PPARGC1B: variants seen among roughly 807,000 people sequenced by gnomAD.
PPARGC1B encodes the protein peroxisome proliferator-activated receptor gamma coactivator 1-beta.
Under a neutral mutation model 101.6 loss-of-function variants are expected in PPARGC1B, and 34 were observed. That is an observed-to-expected ratio of 0.33 (90% CI 0.25 to 0.45). PPARGC1B has a LOEUF of 0.45. PPARGC1B is among the 20% of genes least tolerant of loss of function. The pLI, the probability that PPARGC1B is intolerant of heterozygous loss-of-function variation, is 1.00. For synonymous variants in PPARGC1B, 548 were observed against 539.3 expected (o/e 1.02, Z -0.22); for missense variants, 1,234 against 1,317.6 (o/e 0.94, Z 0.98).
chr5:149,818,811 C>T (rs932285250), intron 1 of PPARGC1B: 10 of 456,200 alleles, frequency 2.2e-5, no homozygotes, highest in South Asian at 3.1e-5. Flanking sequence ...GTTACTAGGC[C>T]GGGCTATAAT....
chr5:149,759,839 G>T (rs1453667173), intron 1 of PPARGC1B, among the ~76,000 whole-genome samples: 2 of 152,200 alleles, frequency 1.3e-5, no homozygotes, highest in Non-Finnish European at 2.9e-5. Context: ...ACCCACCCTG[G>T]ATATTGAGGC....
rs771471789 is a variant in PPARGC1B, at chr5:149,833,261, C to T, written c.1188C>T (p.Ile396=). The T allele has an allele frequency of 1.9e-5, 31 of 1,613,196 alleles. 1 individual carries two copies. In the South Asian group the frequency reaches 3.0e-4, roughly 15 times the overall value. ...CGTCCTCGGTGGAGGAGGTAAGGAT[C>T]GCAGCTTCACCCAAGAGCACCGGGC... The part of the protein sequence containing the change: ...GRPSSVEEVR[I]AASPKSTGPR... Residue 396 remains isoleucine (I), a synonymous_variant, in exon 5 of 12, where the codon ATC becomes ATT. Coordinates refer to ENST00000309241, the MANE Select transcript of PPARGC1B (RefSeq NM_133263.4). The surrounding 1 kb of genome is among the most constrained non-coding windows in gnomAD (Gnocchi z 4.1).
chr5:149,812,997 GT>G (rs1434977679), intron 1 of PPARGC1B, among the ~76,000 whole-genome samples: 2 of 152,220 alleles, frequency 1.3e-5, no homozygotes, highest in African/African-American at 4.8e-5. Flanking sequence ...GACTTCATAG[GT>G]ATTTCCCACA....
intron 1 of PPARGC1B, among the ~76,000 whole-genome samples, chr5:149,742,340 G>A (rs188386811): frequency 2.0e-5 from 3 of 152,300 alleles, no homozygotes; most frequent in African/African-American, 7.2e-5. Context: ...GATGCCTCCT[G>A]TAGTTCCCCC....
chr5:149,808,144 T>A (rs1757670659), intron 1 of PPARGC1B, among the ~76,000 whole-genome samples: 2 of 152,214 alleles, frequency 1.3e-5, no homozygotes, highest in African/African-American at 4.8e-5. Flanking sequence ...ACCTCACCTT[T>A]ACTTAGAATT....
chr5:149,773,905 C>G (rs892042288), intron 1 of PPARGC1B, among the ~76,000 whole-genome samples: 2 of 152,144 alleles, frequency 1.3e-5, no homozygotes, highest in African/African-American at 4.8e-5. Flanking sequence ...CCTGCCCCAC[C>G]TCTGCTGCCA....
At chr5:149,814,955 C>T (rs762887203) in intron 1 of PPARGC1B, among the ~76,000 whole-genome samples, 1 of 152,252 alleles carries the variant, frequency 6.6e-6, no homozygotes, top group African/African-American at 2.4e-5. Context: ...GGTCCCAGGT[C>T]TGTCCTTGCT....
At chr5:149,782,190 G>C (rs1203013852) in intron 1 of PPARGC1B, among the ~76,000 whole-genome samples, 1 of 152,134 alleles carries the variant, frequency 6.6e-6, no homozygotes, top group Non-Finnish European at 1.5e-5. Context: ...GCTGGGAGAA[G>C]GCTCCTGATC....
chr5:149,765,227 G>A (rs1461626092), intron 1 of PPARGC1B, among the ~76,000 whole-genome samples: 1 of 152,254 alleles, frequency 6.6e-6, no homozygotes, highest in Non-Finnish European at 1.5e-5. Context: ...GCCTGGGCAT[G>A]TAAGGCTCAT....
chr5:149,750,704 A>G (rs2113118905), intron 1 of PPARGC1B, among the ~76,000 whole-genome samples: 1 of 152,282 alleles, frequency 6.6e-6, no homozygotes, highest in South Asian at 2.1e-4. Flanking sequence ...AGAGTGAACC[A>G]CATTTAACGT....
intron 1 of PPARGC1B, among the ~76,000 whole-genome samples, chr5:149,774,834 T>C (rs889093799): frequency 1.3e-5 from 2 of 152,064 alleles, no homozygotes; most frequent in African/African-American, 2.4e-5. Context: ...GATCCACTCA[T>C]GGGAGTCATG....
intron 1 of PPARGC1B, among the ~76,000 whole-genome samples, chr5:149,779,352 G>T (rs1006149215): frequency 1.3e-5 from 2 of 152,186 alleles, no homozygotes; most frequent in African/African-American, 4.8e-5. Context: ...GGCACTTTGC[G>T]TCTGGGGGAG....
At chr5:149,815,793 C>T (rs574931394) in intron 1 of PPARGC1B, among the ~76,000 whole-genome samples, 51 of 152,140 alleles carry the variant, frequency 3.4e-4, no homozygotes, top group Non-Finnish European at 6.2e-4. Flanking sequence ...GTGATCTGCC[C>T]GCCTCGGCCT....
chr5:149,854,530 T>C lies in PPARGC1B; in HGVS notation c.*6972T>C, dbSNP rs1432608304. On this transcript the variant is annotated 3_prime_UTR_variant, in exon 12 of 12. Coordinates refer to ENST00000309241, the MANE Select transcript of PPARGC1B (RefSeq NM_133263.4). ...ATTTTTTAAAGGACACTGCTAATGA[T>C]TGAGAATCAAGTTTTTAGTTTTGCT... The C allele has an allele frequency of 6.6e-6, 1 of 152,226 alleles. No homozygotes were observed. Among genetic ancestry groups the C allele is most frequent in the East Asian group, 1.9e-4 (1 of 5,196 alleles). The allele number at this position is 152,226 out of a possible 1,614,324, so 9.4% of individuals were successfully genotyped here.
chr5:149,800,403 C>T lies in PPARGC1B; in HGVS notation c.79-20030C>T, dbSNP rs1484601903. Among the ~76,000 whole-genome samples, 6 of 152,260 alleles carry T rather than the reference C, an allele frequency of 3.9e-5. No individual in the cohort carries two copies. The East Asian group carries it at 1.2e-3, about 29-fold the overall frequency. On this transcript the variant is annotated intron_variant, in intron 1 of 11. Transcript: ENST00000309241. Reference sequence around the variant, plus strand: ...CTCAGAGATGAGAAAAACTACAGTGCGTATGGGGAGCTTTGATAGGAGTGA... The same window carrying T: ...CTCAGAGATGAGAAAAACTACAGTGTGTATGGGGAGCTTTGATAGGAGTGA...
chr5:149,773,386 C>T (rs886218246), intron 1 of PPARGC1B, among the ~76,000 whole-genome samples: 2 of 152,238 alleles, frequency 1.3e-5, no homozygotes, highest in African/African-American at 2.4e-5. Context: ...GTGAGCCTGG[C>T]AGCTGACCCT....
Position 149,851,732 on chromosome 5 carries a change from G to A in PPARGC1B, c.*4174G>A, listed in dbSNP as rs189336270. Reference sequence around the variant, plus strand: ...ACACAGATGGGCTCCAGGTCTGCTCGTCAAGTTTGGAGGTACCGGGTAAAT... The same window carrying A: ...ACACAGATGGGCTCCAGGTCTGCTCATCAAGTTTGGAGGTACCGGGTAAAT... On this transcript the variant is annotated 3_prime_UTR_variant, in exon 12 of 12. Coordinates refer to ENST00000309241, the MANE Select transcript of PPARGC1B (RefSeq NM_133263.4). 117 of 152,330 alleles carry A rather than the reference G, an allele frequency of 7.7e-4. No individual in the cohort carries two copies. Among genetic ancestry groups the A allele is most frequent in the Admixed American group, 1.4e-3 (21 of 15,300 alleles). The allele number at this position is 152,330 out of a possible 1,614,324, so 9.4% of individuals were successfully genotyped here.
intron 1 of PPARGC1B, among the ~76,000 whole-genome samples, chr5:149,733,888 A>G (rs1247862980): frequency 6.6e-6 from 1 of 152,240 alleles, no homozygotes; most frequent in Non-Finnish European, 1.5e-5. Context: ...AAAATATTTA[A>G]TTATAGAATT....
intron 1 of PPARGC1B, among the ~76,000 whole-genome samples, chr5:149,819,157 T>C (rs1758174808): frequency 1.3e-5 from 2 of 152,240 alleles, no homozygotes; most frequent in African/African-American, 4.8e-5. Flanking sequence ...CAGGTGATTC[T>C]GGTGCTGCCC....
Sources: allele counts gnomAD v4.1 joint callset (sites outside exome capture counted in the v4.1 genomes callset), GRCh38; gene constraint gnomAD v4.1.1; non-coding constraint Gnocchi (gnomAD v3.1); transcripts MANE v1.5; gene names NCBI Gene and HGNC (gene_info 2026-07-23, HGNC 2026-07-21).